Variants in PRELID2 observed in about 807,000 individuals in gnomAD.
PRELID2 encodes the protein PRELI domain containing 2, also known as PRELI domain-containing protein 2.
In PRELID2, 25 loss-of-function variants were observed where a neutral mutation model predicts 28.4. That is an observed-to-expected ratio of 0.88 (90% CI 0.64 to 1.23). PRELID2 has a LOEUF of 1.23. Among genes scored for constraint, PRELID2 ranks in the 50% most tolerant of loss-of-function variants. PRELID2 has a pLI of 0.00. For synonymous variants in PRELID2, 76 were observed against 71.6 expected (o/e 1.06, Z -0.31); for missense variants, 201 against 214.4 (o/e 0.94, Z 0.39).
chr5:145,556,572 A>G (rs1254817729), intron 1 of PRELID2, among the ~76,000 whole-genome samples: 1 of 152,186 alleles, frequency 6.6e-6, no homozygotes, highest in Non-Finnish European at 1.5e-5. Context: ...GCCCAGGTAG[A>G]TATCTCCAAA....
At chr5:145,792,282 T>C (rs150584983) in intron 5 of PRELID2, among the ~76,000 whole-genome samples, 33 of 152,298 alleles carry the variant, frequency 2.2e-4, no homozygotes, top group Non-Finnish European at 4.3e-4. Context: ...ACTTTGCCAC[T>C]TGGGACCTCA....
chr5:145,371,896 A>G, the PRELID2 span, among the ~76,000 whole-genome samples: 1 of 150,546 alleles, frequency 6.6e-6, no homozygotes, highest in African/African-American at 2.4e-5. Flanking sequence ...TAAAAAAAAA[A>G]AAAACAGCTC....
chr5:145,787,623 C>T (rs1561607884), intron 5 of PRELID2, among the ~76,000 whole-genome samples: 1 of 152,014 alleles, frequency 6.6e-6, no homozygotes, highest in South Asian at 2.1e-4. Context: ...TCACTGCAGC[C>T]TTTACCTCCC....
At chr5:145,739,979 C>A in intron 1 of PRELID2, among the ~76,000 whole-genome samples, 1 of 150,494 alleles carries the variant, frequency 6.6e-6, no homozygotes, top group Non-Finnish European at 1.5e-5. Flanking sequence ...AAAACATAAG[C>A]CCTATGTCAA....
intron 5 of PRELID2, among the ~76,000 whole-genome samples, chr5:145,785,327 A>G (rs1373160194): frequency 6.6e-6 from 1 of 152,254 alleles, no homozygotes; most frequent in African/African-American, 2.4e-5. Flanking sequence ...TATGTTAAAC[A>G]TACAGACAAA....
At chr5:145,561,606 T>C (rs1009991918) in intron 1 of PRELID2, among the ~76,000 whole-genome samples, 1 of 152,214 alleles carries the variant, frequency 6.6e-6, no homozygotes, top group African/African-American at 2.4e-5. Context: ...AGAGGACAAT[T>C]AGGACAATTT....
At chr5:145,740,837 TATCG>T (rs1756675562) in intron 1 of PRELID2, among the ~76,000 whole-genome samples, 1 of 113,036 alleles carries the variant, frequency 8.8e-6, no homozygotes, top group African/African-American at 3.4e-5. Context: ...AATATATATT[TATCG>T]ATAAATATAT....
At chr5:145,720,564 T>C (rs1755960953) in intron 1 of PRELID2, among the ~76,000 whole-genome samples, 1 of 152,070 alleles carries the variant, frequency 6.6e-6, no homozygotes, top group African/African-American at 2.4e-5. Context: ...GTTTTACATA[T>C]GTAAAAACTT....
chr5:145,780,221 G>C (rs112596711), intron 5 of PRELID2, among the ~76,000 whole-genome samples: 1 of 152,182 alleles, frequency 6.6e-6, no homozygotes, highest in Non-Finnish European at 1.5e-5. Flanking sequence ...GCTGAGGCAG[G>C]AGAATCACTT....
chr5:145,356,480 G>A, the PRELID2 span, among the ~76,000 whole-genome samples: 1 of 151,168 alleles, frequency 6.6e-6, no homozygotes, highest in South Asian at 2.1e-4. Context: ...TATTTTGGAT[G>A]GTTCAGTCTA....
intron 1 of PRELID2, chr5:145,826,222 A>G (rs1385232510): frequency 1.1e-5 from 11 of 967,154 alleles, no homozygotes; most frequent in Non-Finnish European, 1.4e-5. Context: ...TAATATACAG[A>G]GTATTTCTGC....
chr5:145,275,658 T>G, the PRELID2 span, among the ~76,000 whole-genome samples: 1 of 152,184 alleles, frequency 6.6e-6, no homozygotes, highest in East Asian at 1.9e-4. Context: ...TGGGGAGAAG[T>G]GTAGCCTGTG....
chr5:145,361,672 T>C, the PRELID2 span, among the ~76,000 whole-genome samples: 11 of 152,238 alleles, frequency 7.2e-5, no homozygotes, highest in Non-Finnish European at 1.6e-4. Flanking sequence ...AAGAACATCT[T>C]CAGTGTCTTT....
intron 1 of PRELID2, among the ~76,000 whole-genome samples, chr5:145,826,980 A>T (rs939480191): frequency 3.9e-5 from 6 of 152,224 alleles, no homozygotes; most frequent in African/African-American, 1.4e-4. Context: ...TCTCAGAAAC[A>T]GTCAGTGACA....
At chr5:145,375,839 A>G in the PRELID2 span, among the ~76,000 whole-genome samples, 8 of 152,196 alleles carry the variant, frequency 5.3e-5, no homozygotes, top group Non-Finnish European at 1.2e-4. Context: ...GCAGGGGAAA[A>G]GCACAGCCTG....
the PRELID2 span, among the ~76,000 whole-genome samples, chr5:145,312,853 T>A: frequency 1.3e-5 from 2 of 152,186 alleles, no homozygotes; most frequent in African/African-American, 4.8e-5. Flanking sequence ...ATGTTGATTC[T>A]ATTTCTTCTA....
chr5:145,314,291 T>C, the PRELID2 span, among the ~76,000 whole-genome samples: 15 of 152,304 alleles, frequency 9.8e-5, no homozygotes, highest in South Asian at 2.9e-3. Flanking sequence ...TCTCACTCTA[T>C]CTTTCACTTT....
At chr5:145,697,667 T>A (rs1474817303) in intron 1 of PRELID2, among the ~76,000 whole-genome samples, 1 of 152,176 alleles carries the variant, frequency 6.6e-6, no homozygotes, top group Non-Finnish European at 1.5e-5. Context: ...CTCTTTATCA[T>A]CATCTTATCT....
intron 1 of PRELID2, among the ~76,000 whole-genome samples, chr5:145,734,297 G>A (rs1756433019): frequency 6.6e-6 from 1 of 152,064 alleles, no homozygotes; most frequent in Non-Finnish European, 1.5e-5. Context: ...CTTGATTTTA[G>A]TCCAGTGAAG....
Sources: allele counts gnomAD v4.1 joint callset (sites outside exome capture counted in the v4.1 genomes callset), GRCh38; gene constraint gnomAD v4.1.1; transcripts MANE v1.5; gene names NCBI Gene and HGNC (gene_info 2026-07-23, HGNC 2026-07-21).